The following ARHGAP44 variants were observed in gnomAD, a reference collection of about 807,000 sequenced individuals.
ARHGAP44 encodes the protein Rho GTPase activating protein 44, also known as rho GTPase-activating protein 44.
A neutral mutation model predicts 106.8 loss-of-function variants in ARHGAP44; 43 were observed. The observed-to-expected ratio is 0.40, with a 90% CI of 0.32 to 0.52. The LOEUF (loss-of-function observed/expected upper bound fraction) is 0.52, where lower values mean the gene tolerates loss of function less well. Among genes scored for constraint, ARHGAP44 ranks in the 20% least tolerant of loss-of-function variants. ARHGAP44 has a pLI of 0.48. For synonymous variants in ARHGAP44, 439 were observed against 410.3 expected (o/e 1.07, Z -0.85); for missense variants, 866 against 1,050.5 (o/e 0.82, Z 2.43).
In ARHGAP44 at chr17:12,929,498, G is replaced by A. The variant is rs145172180; in HGVS notation, c.582+452G>A. 8.6e-4 allele frequency: 132 copies of A among 154,296 alleles called. 1 individual carries two copies. The highest frequency in any genetic ancestry group is 4.2e-3 in the South Asian group (21 of 4,970). The allele number at this position is 154,296 out of a possible 1,614,324, so 9.6% of individuals were successfully genotyped here. ...TGCCTCCTGGAAGACACTTATCTAT[G>A]AAGTTGAAATGCTAGCCATGAAAAG... On this transcript the variant is annotated intron_variant, in intron 7 of 20. Coordinates refer to ENST00000379672, the MANE Select transcript of ARHGAP44 (RefSeq NM_014859.6).
chr17:12,979,999 T>G, intron 18 of ARHGAP44, 59 bp from the exon 19 acceptor site: 1 of 1,510,978 alleles, frequency 6.6e-7, no homozygotes, highest in Non-Finnish European at 8.9e-7. Context: ...TCGGCAAGGC[T>G]GGTGCTGCCG....
chr17:12,855,680 T>G (rs74445159), intron 1 of ARHGAP44, among the ~76,000 whole-genome samples: 2,493 of 152,334 alleles, frequency 0.016, 75 homozygotes, highest in African/African-American at 0.058. Flanking sequence ...ATTCCCATAC[T>G]TCTTTGGACT....
intron 4 of ARHGAP44, 88 bp downstream of exon 4, chr17:12,909,061 C>G: frequency 8.7e-7 from 1 of 1,151,428 alleles, no homozygotes; most frequent in Admixed American, 2.8e-5. Flanking sequence ...AGGGAAGCAC[C>G]TGAATTCTCA....
intron 6 of ARHGAP44, among the ~76,000 whole-genome samples, chr17:12,920,383 A>AG (rs2038045649): frequency 6.6e-6 from 1 of 151,280 alleles, no homozygotes; most frequent in Admixed American, 6.6e-5. Flanking sequence ...CTCAAAAAAA[A>AG]AAAAAAAAAA....
chr17:12,986,137 C>A (rs528291432), intron 20 of ARHGAP44: 1 of 152,112 alleles, frequency 6.6e-6, no homozygotes, highest in Non-Finnish European at 1.5e-5. Flanking sequence ...TCTGGTGATT[C>A]GGCTTCTTTA....
At chr17:12,938,652 C>A (rs2038621963) in intron 7 of ARHGAP44, among the ~76,000 whole-genome samples, 2 of 145,394 alleles carry the variant, frequency 1.4e-5, no homozygotes. Context: ...TTATATTTTT[C>A]TGAGTGTGGA....
Position 12,915,808 on chromosome 17 carries a change from T to C in ARHGAP44, c.276-92T>C, listed in dbSNP as rs2037892945. The C allele has an allele frequency of 5.3e-6, 6 of 1,125,486 alleles. No homozygotes were observed. In the East Asian group the frequency reaches 1.5e-4, roughly 29 times the overall value. The allele number at this position is 1,125,486 out of a possible 1,614,324, so 69.7% of individuals were successfully genotyped here. On this transcript the variant is annotated intron_variant, in intron 4 of 20. Transcript: ENST00000379672. Reference sequence around the variant, plus strand: ...GCTTATTAACACTGACTTGTGAAAGTTTACAAGTGAGCCAGGAGGTGAGGG... The same window carrying C: ...GCTTATTAACACTGACTTGTGAAAGCTTACAAGTGAGCCAGGAGGTGAGGG...
chr17:12,964,185 G>A (rs537198865), intron 16 of ARHGAP44, among the ~76,000 whole-genome samples: 2 of 152,332 alleles, frequency 1.3e-5, no homozygotes, highest in African/African-American at 4.8e-5. Context: ...TTATAGAATA[G>A]TGAAATTTGT....
chr17:12,882,602 T>C (rs969236856), intron 1 of ARHGAP44, among the ~76,000 whole-genome samples: 10 of 152,160 alleles, frequency 6.6e-5, no homozygotes, highest in Non-Finnish European at 1.5e-4. Flanking sequence ...TTATAGGTGC[T>C]TTTTAAAAAT....
At chr17:12,823,299 C>T (rs2034825924) in intron 1 of ARHGAP44, among the ~76,000 whole-genome samples, 1 of 152,156 alleles carries the variant, frequency 6.6e-6, no homozygotes, top group African/African-American at 2.4e-5. Flanking sequence ...CTTAAGTGAG[C>T]CCCAATTCTT....
intron 16 of ARHGAP44, among the ~76,000 whole-genome samples, chr17:12,963,860 A>G (rs2039328096): frequency 6.6e-6 from 1 of 152,214 alleles, no homozygotes; most frequent in Admixed American, 6.5e-5. Context: ...AAATCTACCC[A>G]TCTGATTTAA....
chr17:12,823,237 A>G (rs188632192), intron 1 of ARHGAP44, among the ~76,000 whole-genome samples: 38 of 152,258 alleles, frequency 2.5e-4, no homozygotes, highest in African/African-American at 7.5e-4. Context: ...GCTGAGTTGG[A>G]GGAGGTGACT....
In ARHGAP44 at chr17:12,914,304, TG is replaced by T. The variant is rs1377014143; in HGVS notation, c.276-1593del. ...AAGGGTTGGCAAGGGCATAGGGCAA[TG>T]GGAACTCCCATTTGTGCTAGTGAAA... On this transcript the variant is annotated intron_variant, in intron 4 of 20. Transcript: ENST00000379672. 3.3e-5 allele frequency among the ~76,000 whole-genome samples: 5 copies of T among 152,278 alleles called. No homozygotes were observed. In the East Asian group the frequency reaches 9.7e-4, roughly 29 times the overall value.
At chr17:12,944,793 T>A (rs1371927544) in intron 10 of ARHGAP44, among the ~76,000 whole-genome samples, 1 of 150,640 alleles carries the variant, frequency 6.6e-6, no homozygotes, top group Non-Finnish European at 1.5e-5. Context: ...CCGACCCTGC[T>A]GCTATTACTA....
chr17:12,928,697 C>T (rs186313505), intron 6 of ARHGAP44, among the ~76,000 whole-genome samples: 36 of 152,260 alleles, frequency 2.4e-4, no homozygotes, highest in African/African-American at 8.4e-4. Context: ...AGGGGATGCT[C>T]GTCCTATCTG....
chr17:12,935,139 G>A (rs557134512), intron 7 of ARHGAP44, among the ~76,000 whole-genome samples: 1 of 152,108 alleles, frequency 6.6e-6, no homozygotes, highest in South Asian at 2.1e-4. Context: ...CCATTTTAAG[G>A]TCAAAAAATA....
In ARHGAP44 at chr17:12,850,327, C is replaced by CGCATTA. The variant is rs2035701293; in HGVS notation, c.54-44612_54-44607dup. On this transcript the variant is annotated intron_variant, in intron 1 of 20. Coordinates refer to ENST00000379672, the MANE Select transcript of ARHGAP44 (RefSeq NM_014859.6). Reference sequence around the variant, plus strand: ...AGTTGCTTTCCACTGCCTTTCTTTACGCATTAATGGGACCTCACTTTACAA... The same window carrying CGCATTA: ...AGTTGCTTTCCACTGCCTTTCTTTACGCATTAGCATTAATGGGACCTCACTTTACAA... Among the ~76,000 whole-genome samples, 5 of 152,282 alleles carry CGCATTA rather than the reference C, an allele frequency of 3.3e-5. No individual in the cohort carries two copies. In the South Asian group the frequency reaches 1.0e-3, roughly 32 times the overall value.
chr17:12,859,979 G>A (rs2036021700), intron 1 of ARHGAP44, among the ~76,000 whole-genome samples: 1 of 152,184 alleles, frequency 6.6e-6, no homozygotes, highest in African/African-American at 2.4e-5. Flanking sequence ...GGCTATAGGG[G>A]TGGTCCCTAG....
At chr17:12,862,860 G>A (rs1470290573) in intron 1 of ARHGAP44, among the ~76,000 whole-genome samples, 1 of 151,876 alleles carries the variant, frequency 6.6e-6, no homozygotes, top group Non-Finnish European at 1.5e-5. Flanking sequence ...AATGAGCTGG[G>A]AGTGGTGGTA....
Sources: gnomAD v4.1 joint callset for allele counts (sites outside exome capture counted in the v4.1 genomes callset) on GRCh38, gnomAD v4.1.1 for gene constraint, MANE v1.5 for transcripts, NCBI Gene and HGNC (gene_info 2026-07-23, HGNC 2026-07-21) for gene names.